PACSIN3: variants seen among roughly 807,000 people sequenced by gnomAD.
The protein encoded by PACSIN3 is protein kinase C and casein kinase substrate in neurons 3.
Under a neutral mutation model 56.1 loss-of-function variants are expected in PACSIN3, and 34 were observed. The observed-to-expected ratio is 0.61, with a 90% CI of 0.46 to 0.81. The LOEUF (loss-of-function observed/expected upper bound fraction) is 0.81. Ranked by LOEUF, PACSIN3 falls within the 30% of genes least tolerant of loss-of-function variation. PACSIN3 has a pLI of 0.00. For synonymous variants in PACSIN3, 218 were observed against 229.8 expected (o/e 0.95, Z 0.46); for missense variants, 535 against 592.4 (o/e 0.90, Z 1.01).
rs1953114761 is a variant in PACSIN3 at position 47,186,048 on chromosome 11, G to T, written c.-104+301C>A. On this transcript the variant is annotated intron_variant, in intron 1 of 10. Transcript: ENST00000298838. The surrounding 1 kb of genome is among the most constrained non-coding windows in gnomAD (Gnocchi z 4.5). The stretch of plus-strand genomic sequence containing the variant: ...GAGCGAGGACCCTCTGGGGCCTCGG[G>T]GCGGGCGCGAGGCGAGCGGACGGGG... 6.6e-6 allele frequency among the ~76,000 whole-genome samples: 1 copy of T among 152,068 alleles called. No homozygotes were observed. The highest frequency in any genetic ancestry group is 1.5e-5 in the Non-Finnish European group (1 of 67,960).
In PACSIN3 at chr11:47,177,971, C is replaced by A. The variant is rs867972868; in HGVS notation, c.1235G>T (p.Gly412Val). The A allele has an allele frequency of 6.2e-7, 1 of 1,614,144 alleles. No homozygotes were observed. The highest frequency in any genetic ancestry group is 8.5e-7 in the Non-Finnish European group (1 of 1,180,020). Reference sequence around the variant, plus strand: ...CTCCACGTAGTTGGCAGGGTACAGGCCAATGCGGCCACTCTGCAACTGGCC... The same window carrying A: ...CTCCACGTAGTTGGCAGGGTACAGGACAATGCGGCCACTCTGCAACTGGCC... ...CQGQLQSGRIGLYPANYVECV... is the reference protein window; with the variant it reads ...CQGQLQSGRIVLYPANYVECV... Residue 412 changes from glycine to valine, a missense_variant, in exon 11 of 11, where the codon GGC becomes GTC. Coordinates refer to ENST00000298838, the MANE Select transcript of PACSIN3 (RefSeq NM_016223.5).
rs1953040422 is a variant in PACSIN3, at chr11:47,182,287, T to C, written c.211+116A>G. The C allele has an allele frequency of 4.0e-6, 4 of 1,003,232 alleles. No individual in the cohort carries two copies. The Admixed American group carries it at 9.6e-5, about 24-fold the overall frequency. 62.1% of individuals were successfully genotyped at this position (1,003,232 alleles called of 1,614,324 possible). On this transcript the variant is annotated intron_variant, in intron 4 of 10. Coordinates refer to ENST00000298838, the MANE Select transcript of PACSIN3 (RefSeq NM_016223.5). ...TGAGGATGACCAGGAGGATCTTCCC[T>C]TTCTAAGGGAGGGTAGACGTGGAGG...
Position 47,177,684 on chromosome 11 carries a change from A to T in PACSIN3, c.*247T>A, listed in dbSNP as rs1482249528. Reference sequence around the variant, plus strand: ...GAGTCCACAGCTCCTGGGGAGGCCCAGGCACCCCTGAACGCTTCTGTCACC... The same window carrying T: ...GAGTCCACAGCTCCTGGGGAGGCCCTGGCACCCCTGAACGCTTCTGTCACC... On this transcript the variant is annotated 3_prime_UTR_variant, in exon 11 of 11. Transcript: ENST00000298838. 5.6e-6 allele frequency: 3 copies of T among 533,526 alleles called. No homozygotes were observed. Among genetic ancestry groups the T allele is most frequent in the Non-Finnish European group, 1.0e-5 (3 of 300,042 alleles). 33.0% of individuals were successfully genotyped at this position (533,526 alleles called of 1,614,324 possible).
rs145192231 is a variant in PACSIN3 at position 47,182,301 on chromosome 11, T to C, written c.211+102A>G. Reference sequence around the variant, plus strand: ...AGGATCTTCCCTTTCTAAGGGAGGGTAGACGTGGAGGCCTCAAACTTCCCA... The same window carrying C: ...AGGATCTTCCCTTTCTAAGGGAGGGCAGACGTGGAGGCCTCAAACTTCCCA... On this transcript the variant is annotated intron_variant, in intron 4 of 10. Transcript: ENST00000298838. 341 of 1,108,672 alleles carry C rather than the reference T, an allele frequency of 3.1e-4. 1 individual carries two copies. In the East Asian group the frequency reaches 8.2e-3, roughly 27 times the overall value. The allele number at this position is 1,108,672 out of a possible 1,614,324, so 68.7% of individuals were successfully genotyped here. A position where few individuals can be genotyped will look rare whatever the true frequency, so the allele number is the denominator to read the frequency against.
intron 4 of PACSIN3, 76 bp from the exon 5 acceptor site, chr11:47,180,766 G>T: frequency 1.7e-6 from 2 of 1,144,854 alleles, no homozygotes; most frequent in Non-Finnish European, 2.5e-6. Context: ...CTGGGTGTGA[G>T]GCATGGAGGC....
At position 47,178,284 on chromosome 11, in the gene PACSIN3, T is replaced by C. The variant is rs1045956045; in HGVS notation, c.1159+82A>G. 1.3e-6 allele frequency: 2 copies of C among 1,540,034 alleles called. No individual in the cohort carries two copies. Among genetic ancestry groups the C allele is most frequent in the Non-Finnish European group, 1.8e-6 (2 of 1,127,054 alleles). On this transcript the variant is annotated intron_variant, in intron 10 of 10. Transcript: ENST00000298838. The surrounding 1 kb of genome is among the most constrained non-coding windows in gnomAD (Gnocchi z 4.2). ...GGACAGAGGACTGGCCCTTAAGAAG[T>C]GGGTATTTGGCTTCCCTTTCTGACA...
At position 47,179,064 on chromosome 11, in the gene PACSIN3, A is replaced by G. The variant is rs755274749; in HGVS notation, c.901-34T>C. The G allele has an allele frequency of 1.9e-6, 3 of 1,613,954 alleles. No homozygotes were observed. Among genetic ancestry groups the G allele is most frequent in the Admixed American group, 1.7e-5 (1 of 60,006 alleles). ...ACAGTGCTTATAGTCAGGTGGGGCC[A>G]TCTGAACCACCTTCACTTACTTCAT... On this transcript the variant is annotated intron_variant, in intron 8 of 10. Coordinates refer to ENST00000298838, the MANE Select transcript of PACSIN3 (RefSeq NM_016223.5). The surrounding 1 kb of genome is among the most constrained non-coding windows in gnomAD (Gnocchi z 4.4).
At position 47,182,564 on chromosome 11, in the gene PACSIN3, G is replaced by A. The variant is rs1953048454; in HGVS notation, c.55-5C>T. ...CGTGCGCCTGTAGTTGCCAGCCTGGGCATACAGGAAAAGGGTGCCATCACC... is the reference window on the plus strand; with the variant it reads ...CGTGCGCCTGTAGTTGCCAGCCTGGACATACAGGAAAAGGGTGCCATCACC... On this transcript the variant is annotated splice_polypyrimidine_tract_variant and splice_region_variant and intron_variant, in intron 3 of 10. Coordinates refer to ENST00000298838, the MANE Select transcript of PACSIN3 (RefSeq NM_016223.5). 1 of 1,608,754 alleles carries A rather than the reference G, an allele frequency of 6.2e-7. No individual in the cohort carries two copies. The highest frequency in any genetic ancestry group is 8.5e-7 in the Non-Finnish European group (1 of 1,176,090).
intron 4 of PACSIN3, among the ~76,000 whole-genome samples, chr11:47,181,271 GA>G (rs1465493525): frequency 2.0e-5 from 3 of 151,264 alleles, no homozygotes; most frequent in Non-Finnish European, 4.4e-5. Context: ...CAAAAAAAAA[GA>G]AAAAAAAGAG....
intron 4 of PACSIN3, 104 bp from the exon 5 acceptor site, chr11:47,180,794 G>A: frequency 1.2e-6 from 1 of 821,502 alleles, no homozygotes; most frequent in Non-Finnish European, 1.9e-6. Flanking sequence ...ACGCGCATGG[G>A]GTGCAAAGGT....
At position 47,180,222 on chromosome 11, in the gene PACSIN3, C is replaced by A; in HGVS notation, c.567G>T (p.Gln189His). The A allele has an allele frequency of 6.2e-7, 1 of 1,603,824 alleles. No individual in the cohort carries two copies. The highest frequency in any genetic ancestry group is 8.5e-7 in the Non-Finnish European group (1 of 1,179,974). Residue 189 changes from glutamine to histidine, a missense_variant, in exon 6 of 11, where the codon CAG becomes CAT. Physicochemically the swap from Gln to His is conservative, Grantham distance 24. Transcript: ENST00000298838. ...CCTTGGCACAGCGTTCCACCCGTTC[C>A]TGCAGTTTGCGCAGCTGCTCCTGGG... The part of the protein sequence containing the change: ...AVSQEQLRKL[Q>H]ERVERCAKEA...
At chr11:47,182,224 A>T (rs897654154) in intron 4 of PACSIN3, among the ~76,000 whole-genome samples, 179 bp downstream of exon 4, 1 of 152,062 alleles carries the variant, frequency 6.6e-6, no homozygotes, top group East Asian at 1.9e-4. Flanking sequence ...AAAGTAACTC[A>T]TGAGCATCCT....
In PACSIN3 at chr11:47,179,189, T is replaced by C. The variant is rs1322378774; in HGVS notation, c.870A>G (p.Pro290=). ...DLRWWRSTHG[P]GMAMNWPQFE... Reference sequence around the variant, plus strand: ...ACTGTGGCCAGTTCATGGCCATGCCTGGCCCGTGGGTGCTGCGCCACCAGC... The same window carrying C: ...ACTGTGGCCAGTTCATGGCCATGCCCGGCCCGTGGGTGCTGCGCCACCAGC... The change falls in exon 8 of 11, where the codon CCA becomes CCG. Residue 290 remains proline (P), a synonymous_variant. Coordinates refer to ENST00000298838, the MANE Select transcript of PACSIN3 (RefSeq NM_016223.5). This position sits in a 1 kb window ranked among gnomAD's most constrained non-coding sequence, Gnocchi z 4.4. 6.2e-7 allele frequency: 1 copy of C among 1,613,916 alleles called. No homozygotes were observed. The highest frequency in any genetic ancestry group is 1.1e-5 in the South Asian group (1 of 91,082).
Position 47,177,783 on chromosome 11 carries a change from C to T in PACSIN3, c.*148G>A. On this transcript the variant is annotated 3_prime_UTR_variant, in exon 11 of 11. Transcript: ENST00000298838. ...GTCCCTTCCCTAGACAAAGGCCCCT[C>T]CCCTCCCTGGGTCCCAGGACTTCCT... The T allele has an allele frequency of 1.5e-6, 1 of 686,552 alleles. No individual in the cohort carries two copies. The allele number at this position is 686,552 out of a possible 1,614,324, so 42.5% of individuals were successfully genotyped here.
chr11:47,179,042 G>C lies in PACSIN3; in HGVS notation c.901-12C>G. ...TCCAAGGACCACTCCTGTGGGGACA[G>C]TGCTTATAGTCAGGTGGGGCCATCT... is the stretch of plus-strand genomic sequence containing the variant. On this transcript the variant is annotated splice_polypyrimidine_tract_variant and intron_variant, in intron 8 of 10. Transcript: ENST00000298838. The surrounding 1 kb of genome is among the most constrained non-coding windows in gnomAD (Gnocchi z 4.4). 6.2e-7 allele frequency: 1 copy of C among 1,614,142 alleles called. No homozygotes were observed. Among genetic ancestry groups the C allele is most frequent in the Admixed American group, 1.7e-5 (1 of 60,032 alleles).
At chr11:47,182,650 T>C (rs776329510) in intron 3 of PACSIN3, 24 bp downstream of exon 3, 1 of 1,608,232 alleles carries the variant, frequency 6.2e-7, no homozygotes, top group South Asian at 1.1e-5. Context: ...GACAAGTAGC[T>C]GAGCCCAGGA....
At chr11:47,184,805 C>T (rs1232461374) in intron 1 of PACSIN3, among the ~76,000 whole-genome samples, 1 of 152,212 alleles carries the variant, frequency 6.6e-6, no homozygotes, top group East Asian at 1.9e-4. Flanking sequence ...CCCAGTCCAG[C>T]CTCAGGAGCC....
intron 1 of PACSIN3, chr11:47,185,626 CT>C: frequency 6.5e-6 from 1 of 153,578 alleles, no homozygotes. Flanking sequence ...CAAAGGGGCA[CT>C]TTTGGAAACC....
rs767959863 is a variant in PACSIN3, at chr11:47,180,543, C to T, written c.359G>A (p.Arg120Gln). The T allele has an allele frequency of 9.4e-6, 15 of 1,603,896 alleles. No individual in the cohort carries two copies. Among genetic ancestry groups the T allele is most frequent in the Admixed American group, 1.7e-5 (1 of 59,976 alleles). ...CTCGCGGAAGCCGCCCAGCACAGGC[C>T]GGTGGAAAGCCCCCCGCTGCCAGGC... ...VRAWQRGAFH[R>Q]PVLGGFRESR... Residue 120 changes from arginine (R) to glutamine (Q), a missense_variant, in exon 5 of 11, where the codon CGG becomes CAG. Transcript: ENST00000298838.
Sources: gnomAD v4.1 joint callset for allele counts (sites outside exome capture counted in the v4.1 genomes callset) on GRCh38, gnomAD v4.1.1 for gene constraint, Gnocchi (gnomAD v3.1) non-coding constraint, MANE v1.5 for transcripts, NCBI Gene and HGNC (gene_info 2026-07-23, HGNC 2026-07-21) for gene names.